Variants in SH3PXD2A observed in about 807,000 individuals in gnomAD.
The protein encoded by SH3PXD2A is SH3 and PX domains 2A, also known as SH3 and PX domain-containing protein 2A.
SH3PXD2A carries 32 observed loss-of-function variants against 115.2 expected under a neutral mutation model. The ratio of observed to expected loss-of-function variants is 0.28; its 90% confidence interval spans 0.21 to 0.37. The LOEUF (loss-of-function observed/expected upper bound fraction) is 0.37. Ranked by LOEUF, SH3PXD2A falls within the 10% of genes least tolerant of loss-of-function variation. The pLI is 1.00. For missense variants in SH3PXD2A, 1,328 were observed against 1,498.7 expected, an observed-to-expected ratio of 0.89 and a Z score of 1.88; for synonymous variants, 610 against 629.1, an observed-to-expected ratio of 0.97 and a Z score of 0.45.
chr10:103,849,800 A>C (rs1842880445), intron 1 of SH3PXD2A, among the ~76,000 whole-genome samples: 5 of 151,696 alleles, frequency 3.3e-5, no homozygotes, highest in Admixed American at 3.3e-4. Context: ...CAGAATCTCC[A>C]CCTCATTTCC....
rs773665322 is a variant in SH3PXD2A at position 103,735,827 on chromosome 10, T to C, written c.230-19A>G. 2 of 1,607,012 alleles carry C rather than the reference T, an allele frequency of 1.2e-6. No individual in the cohort carries two copies. Among genetic ancestry groups the C allele is most frequent in the African/African-American group, 1.3e-5 (1 of 74,894 alleles). On this transcript the variant is annotated intron_variant, in intron 3 of 14. Transcript: ENST00000369774. The stretch of plus-strand genomic sequence containing the variant: ...ATCTTGCCTGGAAGAGAGATGCTCA[T>C]GAGTGGGGGATTCTGGCTAAAACTG...
intron 5 of SH3PXD2A, among the ~76,000 whole-genome samples, chr10:103,701,926 T>C (rs527664002): frequency 5.2e-4 from 78 of 149,938 alleles, no homozygotes; most frequent in African/African-American, 1.7e-3. Context: ...CCAACCACCA[T>C]CCATCCATCC....
At chr10:103,621,314 A>T (rs2036599769) in intron 10 of SH3PXD2A, among the ~76,000 whole-genome samples, 1 of 152,208 alleles carries the variant, frequency 6.6e-6, no homozygotes, top group Non-Finnish European at 1.5e-5. Context: ...CTCTATGTCC[A>T]GCCTGTTCTT....
chr10:103,622,594 A>G (rs1221696060), intron 9 of SH3PXD2A, 41 bp from the exon 10 acceptor site: 5 of 1,136,524 alleles, frequency 4.4e-6, no homozygotes, highest in Non-Finnish European at 4.8e-6. Context: ...GCCAACAGCA[A>G]CCGGCGGAGA....
intron 6 of SH3PXD2A, among the ~76,000 whole-genome samples, chr10:103,686,442 G>A (rs1461172982): frequency 6.6e-6 from 1 of 152,224 alleles, no homozygotes; most frequent in African/African-American, 2.4e-5. Flanking sequence ...GATCTTTGCA[G>A]GTCTCAAGAG....
intron 2 of SH3PXD2A, among the ~76,000 whole-genome samples, chr10:103,781,843 T>C (rs1309883093): frequency 1.3e-5 from 2 of 152,122 alleles, no homozygotes; most frequent in Admixed American, 1.3e-4. Context: ...CACCTCAAGA[T>C]CCTGGTTTCA....
At chr10:103,800,836 T>A (rs1191859665) in intron 2 of SH3PXD2A, among the ~76,000 whole-genome samples, 1 of 152,210 alleles carries the variant, frequency 6.6e-6, no homozygotes, top group Non-Finnish European at 1.5e-5. Context: ...GTGGTATGTA[T>A]GCCTAGTTTG....
chr10:103,728,118 A>T (rs989141971), intron 4 of SH3PXD2A, among the ~76,000 whole-genome samples: 1 of 152,172 alleles, frequency 6.6e-6, no homozygotes, highest in Non-Finnish European at 1.5e-5. Context: ...AGGGCCTCAG[A>T]GCCTCAGGGC....
At chr10:103,761,164 G>A (rs994104302) in intron 3 of SH3PXD2A, among the ~76,000 whole-genome samples, 3 of 152,156 alleles carry the variant, frequency 2.0e-5, no homozygotes, top group Non-Finnish European at 2.9e-5. Flanking sequence ...AATTACTCAG[G>A]TCTGTGGTCT....
At chr10:103,848,318 G>A (rs1344858817) in intron 1 of SH3PXD2A, among the ~76,000 whole-genome samples, 1 of 151,994 alleles carries the variant, frequency 6.6e-6, no homozygotes, top group Non-Finnish European at 1.5e-5. Context: ...AGGAGGGGTG[G>A]GACCCAGCTG....
rs1233822583 is a variant in SH3PXD2A, at chr10:103,620,310, G to A, written c.802+2160C>T. 6.6e-6 allele frequency among the ~76,000 whole-genome samples: 1 copy of A among 152,164 alleles called. No homozygotes were observed. The highest frequency in any genetic ancestry group is 2.1e-4 in the South Asian group (1 of 4,824). Reference sequence around the variant, plus strand: ...CTGCCCTGGGGAGGGCTGGCCAGGCGGTCAGCCGGGTGGGTGAGGGGGATA... The same window carrying A: ...CTGCCCTGGGGAGGGCTGGCCAGGCAGTCAGCCGGGTGGGTGAGGGGGATA... On this transcript the variant is annotated intron_variant, in intron 10 of 14. Coordinates refer to ENST00000369774, the MANE Select transcript of SH3PXD2A (RefSeq NM_001394015.1). This position sits in a 1 kb window ranked among gnomAD's most constrained non-coding sequence, Gnocchi z 5.3.
At chr10:103,845,346 GAAAAAAGAA>G (rs1475146178) in intron 1 of SH3PXD2A, among the ~76,000 whole-genome samples, 8 of 86,334 alleles carry the variant, frequency 9.3e-5, no homozygotes, top group Non-Finnish European at 1.8e-4. Flanking sequence ...AAAAAAAAAA[GAAAAAAGAA>G]AAAGAAAAAG....
In SH3PXD2A at chr10:103,726,221, A is replaced by C. The variant is rs544011401; in HGVS notation, c.307-1860T>G. ...CCTGATGAGACCTGGTCTATAAGAC[A>C]GGACCCTGTCCCATACCCCTGCCTC... is the stretch of plus-strand genomic sequence containing the variant. On this transcript the variant is annotated intron_variant, in intron 4 of 14. Transcript: ENST00000369774. Among the ~76,000 whole-genome samples, 4 of 152,364 alleles carry C rather than the reference A, an allele frequency of 2.6e-5. No individual in the cohort carries two copies. The East Asian group carries it at 7.7e-4, about 29-fold the overall frequency.
At chr10:103,701,860 T>C (rs1391190868) in intron 5 of SH3PXD2A, among the ~76,000 whole-genome samples, 6 of 126,648 alleles carry the variant, frequency 4.7e-5, no homozygotes, top group South Asian at 2.7e-4. Flanking sequence ...CACCATCCAT[T>C]TACCATCTAT....
intron 6 of SH3PXD2A, among the ~76,000 whole-genome samples, chr10:103,686,903 C>T (rs1451947056): frequency 1.3e-5 from 2 of 152,122 alleles, no homozygotes; most frequent in South Asian, 2.1e-4. Context: ...CCCGCCACCA[C>T]GTCCAGCTAA....
chr10:103,820,405 GGCCAGGGCAGCCT>G (rs1194377928), intron 1 of SH3PXD2A, among the ~76,000 whole-genome samples: 3 of 152,144 alleles, frequency 2.0e-5, no homozygotes, highest in Admixed American at 2.0e-4. Context: ...CCTGCGCAGC[GGCCAGGGCAGCCT>G]GCCAGGGGCT....
At chr10:103,839,272 G>A (rs2039574336) in intron 1 of SH3PXD2A, among the ~76,000 whole-genome samples, 1 of 152,126 alleles carries the variant, frequency 6.6e-6, no homozygotes, top group African/African-American at 2.4e-5. Context: ...TCGACACGAG[G>A]CCAAGCAAAT....
At chr10:103,762,807 T>A (rs2038714725) in intron 3 of SH3PXD2A, among the ~76,000 whole-genome samples, 1 of 152,150 alleles carries the variant, frequency 6.6e-6, no homozygotes, top group Admixed American at 6.5e-5. Flanking sequence ...TCTATAGGAT[T>A]TGATGGATAT....
intron 2 of SH3PXD2A, among the ~76,000 whole-genome samples, chr10:103,789,613 G>A (rs2039015634): frequency 6.6e-6 from 1 of 152,166 alleles, no homozygotes; most frequent in African/African-American, 2.4e-5. Context: ...CAGTTTGGAG[G>A]GGGGCACTGT....
Sources: gnomAD v4.1 joint callset for allele counts (sites outside exome capture counted in the v4.1 genomes callset) on GRCh38, gnomAD v4.1.1 for gene constraint, Gnocchi (gnomAD v3.1) non-coding constraint, MANE v1.5 for transcripts, NCBI Gene and HGNC (gene_info 2026-07-23, HGNC 2026-07-21) for gene names.